LRRC37A2: variants seen among roughly 807,000 people sequenced by gnomAD.
LRRC37A2 encodes leucine rich repeat containing 37 member A2, also known as leucine-rich repeat-containing protein 37A2.
A neutral mutation model predicts 68.8 loss-of-function variants in LRRC37A2; 9 were observed. The observed-to-expected ratio is 0.13, with a 90% CI of 0.08 to 0.23. The LOEUF is 0.23. LRRC37A2 is among the 10% of genes least tolerant of loss of function. The pLI is 1.00. For missense variants in LRRC37A2, 168 were observed against 950.4 expected (o/e 0.18, Z 10.82); for synonymous variants, 63 against 367.6 (o/e 0.17, Z 9.48).
intron 8 of LRRC37A2, among the ~76,000 whole-genome samples, chr17:46,541,866 G>T (rs1423049048): frequency 6.7e-6 from 1 of 150,276 alleles, no homozygotes; most frequent in Non-Finnish European, 1.5e-5. Flanking sequence ...ATCTGCAGGG[G>T]GTCCTGGAGC....
chr17:46,872,697 G>T, the LRRC37A2 span: 1 of 1,613,538 alleles, frequency 6.2e-7, no homozygotes, highest in Non-Finnish European at 8.5e-7. Flanking sequence ...ACCTCGGCCT[G>T]CTTGAGTGCC....
At chr17:46,978,945 G>C in the LRRC37A2 span, 1 of 1,454,912 alleles carries the variant, frequency 6.9e-7, no homozygotes, top group Non-Finnish European at 9.0e-7. Context: ...GGGCGGCCCC[G>C]GCGCCGCCGC....
At chr17:46,568,930 CTTT>C in the LRRC37A2 span, among the ~76,000 whole-genome samples, 4 of 124,326 alleles carry the variant, frequency 3.2e-5, no homozygotes. Flanking sequence ...AGAAAGGATA[CTTT>C]TTTTTTCTCT....
At chr17:47,019,990 C>A in the LRRC37A2 span, among the ~76,000 whole-genome samples, 1 of 149,146 alleles carries the variant, frequency 6.7e-6, no homozygotes. Flanking sequence ...CCAGTCTTTT[C>A]CTTTTACTCT....
chr17:46,449,777 A>T, the LRRC37A2 span, among the ~76,000 whole-genome samples: 1 of 103,824 alleles, frequency 9.6e-6, no homozygotes, highest in East Asian at 2.4e-4. Context: ...TTTTTTTAAG[A>T]AATCTTTACC....
chr17:46,770,338 A>ATT, the LRRC37A2 span, among the ~76,000 whole-genome samples: 8 of 152,180 alleles, frequency 5.3e-5, no homozygotes, highest in Non-Finnish European at 1.2e-4. Context: ...CGCCGACACC[A>ATT]AACCTCTGGC....
At chr17:46,953,769 T>C in the LRRC37A2 span, among the ~76,000 whole-genome samples, 1,923 of 152,346 alleles carry the variant, frequency 0.013, 14 homozygotes, top group Middle Eastern at 0.034. Flanking sequence ...TGGTTTTGAT[T>C]TGCATTTCTC....
chr17:46,911,292 A>G, the LRRC37A2 span, among the ~76,000 whole-genome samples: 2 of 152,248 alleles, frequency 1.3e-5, no homozygotes, highest in African/African-American at 4.8e-5. Context: ...TCTTTCTACT[A>G]TCCCACATCT....
chr17:46,553,649 A>AT (rs1222985320), intron 12 of LRRC37A2, 200 bp downstream of exon 11: 1 of 364,368 alleles, frequency 2.7e-6, no homozygotes, highest in Non-Finnish European at 3.7e-6. Flanking sequence ...TTTAATTAGA[A>AT]TTTTAGAATT....
At chr17:46,728,212 G>A in the LRRC37A2 span, among the ~76,000 whole-genome samples, 1 of 152,092 alleles carries the variant, frequency 6.6e-6, no homozygotes. Flanking sequence ...CTCTTAGAAA[G>A]TTATCTGTTC....
At chr17:46,952,388 C>T in the LRRC37A2 span, among the ~76,000 whole-genome samples, 1 of 152,076 alleles carries the variant, frequency 6.6e-6, no homozygotes, top group African/African-American at 2.4e-5. Context: ...CCCATAGACA[C>T]TGCTGGTTTC....
the LRRC37A2 span, among the ~76,000 whole-genome samples, chr17:46,868,435 T>C: frequency 6.6e-6 from 1 of 151,010 alleles, no homozygotes; most frequent in African/African-American, 2.4e-5. Context: ...CTACTAAAAA[T>C]ACACAAAAAA....
At chr17:46,902,459 TGC>T in the LRRC37A2 span, among the ~76,000 whole-genome samples, 5 of 96,740 alleles carry the variant, frequency 5.2e-5, no homozygotes, top group African/African-American at 2.4e-4. Flanking sequence ...AAGGGAACAG[TGC>T]GTGTGTGTGT....
the LRRC37A2 span, among the ~76,000 whole-genome samples, chr17:46,946,163 C>T: frequency 6.6e-6 from 1 of 151,618 alleles, no homozygotes; most frequent in Admixed American, 6.6e-5. Context: ...AGGCTGGGCG[C>T]GGTGTCTCAT....
the LRRC37A2 span, among the ~76,000 whole-genome samples, chr17:46,589,372 A>G: frequency 1.5e-5 from 2 of 129,098 alleles, no homozygotes; most frequent in Admixed American, 1.5e-4. Context: ...TTTTAGACGG[A>G]GTCTCGCTCT....
At chr17:46,884,077 C>G in the LRRC37A2 span, among the ~76,000 whole-genome samples, 1 of 152,120 alleles carries the variant, frequency 6.6e-6, no homozygotes, top group Non-Finnish European at 1.5e-5. Flanking sequence ...GACCCAGCGT[C>G]CGAATTCCTG....
At chr17:47,019,584 G>T in the LRRC37A2 span, 1 of 1,467,492 alleles carries the variant, frequency 6.8e-7, no homozygotes, top group East Asian at 2.3e-5. Flanking sequence ...TACTGTGCTA[G>T]AACCTAGTCA....
chr17:46,745,516 T>C, the LRRC37A2 span, among the ~76,000 whole-genome samples: 4 of 152,186 alleles, frequency 2.6e-5, no homozygotes, highest in Admixed American at 6.5e-5. Context: ...TCACTGTTAA[T>C]GTAAGAGAAC....
At chr17:46,886,387 C>T in the LRRC37A2 span, 3 of 152,116 alleles carry the variant, frequency 2.0e-5, no homozygotes, top group African/African-American at 7.2e-5. Flanking sequence ...TGTAGGAGGC[C>T]ATTAGTTTGT....
Sources: gnomAD v4.1 joint callset for allele counts (sites outside exome capture counted in the v4.1 genomes callset) on GRCh38, gnomAD v4.1.1 for gene constraint, MANE v1.5 for transcripts, NCBI Gene and HGNC (gene_info 2026-07-23, HGNC 2026-07-21) for gene names.